Variants in BAHCC1 observed in about 807,000 individuals in gnomAD.
BAHCC1 encodes the protein BAH and coiled-coil domain-containing protein 1.
In BAHCC1, 43 loss-of-function variants were observed where a neutral mutation model predicts 88.2. The ratio of observed to expected loss-of-function variants is 0.49; its 90% CI spans 0.38 to 0.63. The LOEUF (loss-of-function observed/expected upper bound fraction) is 0.63, where lower values mean the gene tolerates loss of function less well. Among genes scored for constraint, BAHCC1 ranks in the 20% least tolerant of loss-of-function variants. The probability of loss-of-function intolerance (pLI) is 0.00; values close to 1 mark genes in which losing one functional copy is unlikely to be tolerated. For missense variants in BAHCC1, 3,023 were observed against 1,654.8 expected (o/e 1.83, Z -14.34); for synonymous variants, 1,510 against 745.5 (o/e 2.03, Z -16.71).
chr17:81,455,690 C>T (rs192639444), intron 15 of BAHCC1, among the ~76,000 whole-genome samples: 577 of 152,352 alleles, frequency 3.8e-3, no homozygotes, highest in Non-Finnish European at 6.2e-3. Flanking sequence ...CTCCCTGGAA[C>T]GAGGCCCTGC....
rs2030178578 is a variant in BAHCC1 at position 81,460,722 on chromosome 17, T to G, written c.6202+16T>G. 1 of 775,526 alleles carries G rather than the reference T, an allele frequency of 1.3e-6. No individual in the cohort carries two copies. Among genetic ancestry groups the G allele is most frequent in the Non-Finnish European group, 2.4e-6 (1 of 416,044 alleles). 48.0% of individuals were successfully genotyped at this position (775,526 alleles called of 1,614,324 possible). ...GACAAAGCTGGTATTTTACCGGACT[T>G]CCCAGAATCCGGATCGGGGAAGGCA... On this transcript the variant is annotated intron_variant, in intron 25 of 27. Transcript: ENST00000675386.
Position 81,406,084 on chromosome 17 carries a change from A to G in BAHCC1, c.178+6167A>G, listed in dbSNP as rs936302202. Among the ~76,000 whole-genome samples the G allele has an allele frequency of 4.6e-5, 7 of 152,320 alleles. 1 individual carries two copies. Among genetic ancestry groups the G allele is most frequent in the Admixed American group, 4.6e-4 (7 of 15,308 alleles). ...TGCCCTCCTGACACCCTCAAACAAC[A>G]GAAGCTGCCTGCCTTCTTAATGGGT... On this transcript the variant is annotated intron_variant, in intron 2 of 27. Transcript: ENST00000675386.
chr17:81,414,200 C>T (rs2063990701), intron 2 of BAHCC1, among the ~76,000 whole-genome samples: 1 of 152,206 alleles, frequency 6.6e-6, no homozygotes, highest in South Asian at 2.1e-4. Context: ...CGGCTCCTCC[C>T]ATGGCAGGAC....
At position 81,455,289 on chromosome 17, in the gene BAHCC1, C is replaced by T. The variant is rs1555656987; in HGVS notation, c.4468C>T (p.Leu1490=). The T allele has an allele frequency of 7.0e-6, 5 of 716,974 alleles. No homozygotes were observed. Among genetic ancestry groups the T allele is most frequent in the East Asian group, 2.7e-5 (1 of 37,394 alleles). 44.4% of individuals were successfully genotyped at this position (716,974 alleles called of 1,614,324 possible). A position where few individuals can be genotyped will look rare whatever the true frequency, so the allele number is the denominator to read the frequency against. Residue 1490 remains leucine, a synonymous_variant, in exon 15 of 28, where the codon CTG becomes TTG. Coordinates refer to ENST00000675386, the MANE Select transcript of BAHCC1 (RefSeq NM_001377448.1). Reference sequence around the variant, plus strand: ...CAGGGCGGTGCGGACAAGCCTGGGTCTGCTGTGTGCGGAGCTGCGAGGAGG... The same window carrying T: ...CAGGGCGGTGCGGACAAGCCTGGGTTTGCTGTGTGCGGAGCTGCGAGGAGG... ...KVKAVRTSLG[L]LCAELRGGSG...
At position 81,460,380 on chromosome 17, in the gene BAHCC1, T is replaced by C; in HGVS notation, c.6009T>C (p.Pro2003=). 1 of 767,768 alleles carries C rather than the reference T, an allele frequency of 1.3e-6. No individual in the cohort carries two copies. Among genetic ancestry groups the C allele is most frequent in the Admixed American group, 1.7e-5 (1 of 57,334 alleles). The allele number at this position is 767,768 out of a possible 1,614,324, so 47.6% of individuals were successfully genotyped here. A position where few individuals can be genotyped will look rare whatever the true frequency, so the allele number is the denominator to read the frequency against. ...IAVSNVRLLP[P]DFKIQCTEPS... is the part of the protein sequence containing the mutation. ...TCTCCAACGTCAGGCTGCTGCCCCCTGACTTCAAGATCCAGTGTGAGCCTG... is the reference window on the plus strand; with the variant it reads ...TCTCCAACGTCAGGCTGCTGCCCCCCGACTTCAAGATCCAGTGTGAGCCTG... The change falls in exon 24 of 28, where the codon CCT becomes CCC. Residue 2003 remains proline (P), a synonymous_variant. Coordinates refer to ENST00000675386, the MANE Select transcript of BAHCC1 (RefSeq NM_001377448.1).
At chr17:81,404,628 T>G (rs2063857468) in intron 2 of BAHCC1, among the ~76,000 whole-genome samples, 1 of 152,342 alleles carries the variant, frequency 6.6e-6, no homozygotes, top group South Asian at 2.1e-4. Flanking sequence ...TATTTTAATT[T>G]GATAAATGAT....
chr17:81,442,595 G>A lies in BAHCC1; in HGVS notation c.1246G>A (p.Val416Met), dbSNP rs914389237. The change falls in exon 5 of 28, where the codon GTG becomes ATG. Residue 416 changes from valine to methionine, a missense_variant. By Grantham distance (21) the Val-to-Met change is conservative. Coordinates refer to ENST00000675386, the MANE Select transcript of BAHCC1 (RefSeq NM_001377448.1). ...CTTCCAGGCCGCCGAGGCCTGTGCC[G>A]TGGCAGGGGAGGGCAAGGACCGGCA... ...RPFQAAEACA[V>M]AGEGKDRHLE... The A allele has an allele frequency of 1.0e-5, 8 of 774,676 alleles. No individual in the cohort carries two copies. The highest frequency in any genetic ancestry group is 3.4e-5 in the Admixed American group (2 of 58,632). The allele number at this position is 774,676 out of a possible 1,614,324, so 48.0% of individuals were successfully genotyped here.
intron 2 of BAHCC1, among the ~76,000 whole-genome samples, chr17:81,414,058 T>C (rs1327565019): frequency 1.3e-5 from 2 of 152,192 alleles, no homozygotes; most frequent in Non-Finnish European, 2.9e-5. Context: ...TGAGCGTGTC[T>C]CTAGACTCTC....
At position 81,399,137 on chromosome 17, in the gene BAHCC1, G is replaced by GTGTGTA; in HGVS notation, c.-206-392_-206-391insATGTGT. ...AGAGGGTGTGCGTGTGAGTGTGTGT[G>GTGTGTA]TGTGTGTGTGTGTGTGCGAGTGTGC... On this transcript the variant is annotated intron_variant, in intron 1 of 27. Coordinates refer to ENST00000675386, the MANE Select transcript of BAHCC1 (RefSeq NM_001377448.1). The surrounding 1 kb of genome is among the most constrained non-coding windows in gnomAD (Gnocchi z 4.5). 1 of 353,410 alleles carries GTGTGTA rather than the reference G, an allele frequency of 2.8e-6. No individual in the cohort carries two copies. The highest frequency in any genetic ancestry group is 5.8e-6 in the Non-Finnish European group (1 of 172,134). The allele number at this position is 353,410 out of a possible 1,614,324, so 21.9% of individuals were successfully genotyped here. A position where few individuals can be genotyped will look rare whatever the true frequency, so the allele number is the denominator to read the frequency against.
Position 81,413,222 on chromosome 17 carries a change from C to G in BAHCC1, c.178+13305C>G, listed in dbSNP as rs879986468. 68 of 287,340 alleles carry G rather than the reference C, an allele frequency of 2.4e-4. 1 individual carries two copies. Among genetic ancestry groups the G allele is most frequent in the South Asian group, 1.7e-3 (65 of 39,330 alleles). 17.8% of individuals were successfully genotyped at this position (287,340 alleles called of 1,614,324 possible). A position where few individuals can be genotyped will look rare whatever the true frequency, so the allele number is the denominator to read the frequency against. On this transcript the variant is annotated intron_variant, in intron 2 of 27. Coordinates refer to ENST00000675386, the MANE Select transcript of BAHCC1 (RefSeq NM_001377448.1). ...TCCCCTGTGCTGACCATGCCCCCCC[C>G]GGGCGCTCGCTGCTGGCTGGGGGAG...
intron 3 of BAHCC1, among the ~76,000 whole-genome samples, chr17:81,438,008 CAG>C (rs1289502259): frequency 1.3e-5 from 2 of 152,202 alleles, no homozygotes; most frequent in Admixed American, 6.5e-5. Flanking sequence ...GGCCTTGGCG[CAG>C]AGTCTGTCCA....
chr17:81,430,366 G>A (rs898482263), intron 3 of BAHCC1, among the ~76,000 whole-genome samples: 7 of 152,194 alleles, frequency 4.6e-5, no homozygotes, highest in African/African-American at 1.7e-4. Context: ...CACCTGGGGG[G>A]AGCCATGGGG....
At chr17:81,454,410 A>G (rs912733549) in intron 14 of BAHCC1, among the ~76,000 whole-genome samples, 2 of 152,122 alleles carry the variant, frequency 1.3e-5, no homozygotes, top group Non-Finnish European at 2.9e-5. Context: ...TCCATCTGGG[A>G]GGGGCCAGGG....
intron 27 of BAHCC1, 47 bp from the exon 28 acceptor site, chr17:81,463,564 G>A (rs374865961): frequency 9.3e-4 from 717 of 773,750 alleles, no homozygotes; most frequent in African/African-American, 7.6e-3. Context: ...GGGCAGGGGC[G>A]CACTGGCCAA....
chr17:81,413,557 G>A (rs537523767), intron 2 of BAHCC1, among the ~76,000 whole-genome samples: 5 of 152,346 alleles, frequency 3.3e-5, no homozygotes, highest in African/African-American at 4.8e-5. Flanking sequence ...TGCTGTCCAC[G>A]CAGGTGCAGT....
intron 2 of BAHCC1, among the ~76,000 whole-genome samples, chr17:81,409,509 G>A (rs74002264): frequency 1.3e-5 from 2 of 152,330 alleles, no homozygotes; most frequent in Middle Eastern, 3.4e-3. Context: ...TTTTCACCTC[G>A]TGGCCCTGGC....
Position 81,458,820 on chromosome 17 carries a change from G to T in BAHCC1, c.5456G>T (p.Gly1819Val). The change falls in exon 20 of 28, where the codon GGC (glycine) becomes GTC (valine). Residue 1819 changes from glycine (G) to valine (V), a missense_variant. By Grantham distance (109) the Gly-to-Val change is moderately radical. Transcript: ENST00000675386. ...GACTCCTCTGGCCCCCAGGGCAAGG[G>T]CCGGGCCGTGAGCCGCCTGCTGGAA... The part of the protein sequence containing the change: ...VKHKAGKQGK[G>V]RAVSRLLESF... The T allele has an allele frequency of 1.3e-6, 1 of 765,490 alleles. No individual in the cohort carries two copies. Among genetic ancestry groups the T allele is most frequent in the Non-Finnish European group, 2.5e-6 (1 of 407,950 alleles). 47.4% of individuals were successfully genotyped at this position (765,490 alleles called of 1,614,324 possible). A position where few individuals can be genotyped will look rare whatever the true frequency, so the allele number is the denominator to read the frequency against.
In BAHCC1 at chr17:81,435,761, T is replaced by C. The variant is rs1568013071; in HGVS notation, c.359-2609T>C. Among the ~76,000 whole-genome samples the C allele has an allele frequency of 6.7e-6, 1 of 150,012 alleles. No individual in the cohort carries two copies. The highest frequency in any genetic ancestry group is 1.5e-5 in the Non-Finnish European group (1 of 67,500). ...ACCCCCACTCCTCAGTGGCAACCCC[T>C]TCCAGGATGCCTGTGTGTCCCCGGC... On this transcript the variant is annotated intron_variant, in intron 3 of 27. Coordinates refer to ENST00000675386, the MANE Select transcript of BAHCC1 (RefSeq NM_001377448.1). The surrounding 1 kb of genome is among the most constrained non-coding windows in gnomAD (Gnocchi z 4.4).
rs1568041974 is a variant in BAHCC1 at position 81,464,255 on chromosome 17, G to C, written c.*438G>C. ...AATTTTATGGTAAAAAGTGGAAAAG[G>C]GTTTTTCCCCATCCGCGTGACAAGG... On this transcript the variant is annotated 3_prime_UTR_variant, in exon 28 of 28. Coordinates refer to ENST00000675386, the MANE Select transcript of BAHCC1 (RefSeq NM_001377448.1). 3 of 253,726 alleles carry C rather than the reference G, an allele frequency of 1.2e-5. No individual in the cohort carries two copies. The South Asian group carries it at 1.6e-4, about 14-fold the overall frequency. The allele number at this position is 253,726 out of a possible 1,614,324, so 15.7% of individuals were successfully genotyped here. A position where few individuals can be genotyped will look rare whatever the true frequency, so the allele number is the denominator to read the frequency against.
Sources: gnomAD v4.1 joint callset for allele counts (sites outside exome capture counted in the v4.1 genomes callset) on GRCh38, gnomAD v4.1.1 for gene constraint, Gnocchi (gnomAD v3.1) non-coding constraint, MANE v1.5 for transcripts, NCBI Gene and HGNC (gene_info 2026-07-23, HGNC 2026-07-21) for gene names.